The following SCAMP1 variants were observed in gnomAD, a reference collection of about 807,000 sequenced individuals.
SCAMP1 encodes the protein secretory carrier membrane protein 1.
Under a neutral mutation model 41.8 loss-of-function variants are expected in SCAMP1, and 15 were observed. The ratio of observed to expected loss-of-function variants is 0.36; its 90% CI spans 0.24 to 0.55. SCAMP1 has a LOEUF of 0.55. SCAMP1 is among the 20% of genes least tolerant of loss of function. The pLI is 0.86. For missense variants in SCAMP1, 341 were observed against 412.6 expected (o/e 0.83, Z 1.50); for synonymous variants, 135 against 136.8 (o/e 0.99, Z 0.09).
At chr5:78,445,053 C>T (rs1191468321) in intron 6 of SCAMP1, among the ~76,000 whole-genome samples, 1 of 152,162 alleles carries the variant, frequency 6.6e-6, no homozygotes, top group Non-Finnish European at 1.5e-5. Flanking sequence ...CTTTAGTTAA[C>T]TTGTGTCCCC....
chr5:78,473,721 T>A (rs1197979667), intron 8 of SCAMP1, among the ~76,000 whole-genome samples: 2 of 152,148 alleles, frequency 1.3e-5, no homozygotes, highest in Non-Finnish European at 2.9e-5. Context: ...AGTGAGAACA[T>A]GTGATATTTG....
In SCAMP1 at chr5:78,480,665, A is replaced by G. The variant is rs1381586164; in HGVS notation, c.*4997A>G. 2.0e-5 allele frequency among the ~76,000 whole-genome samples: 3 copies of G among 152,228 alleles called. No individual in the cohort carries two copies. The highest frequency in any genetic ancestry group is 6.5e-5 in the Admixed American group (1 of 15,286). ...TTTTTTTCTAGTATAAAAGCAATAC[A>G]TAATGTGTTGTAGAACAATTAAAAA... On this transcript the variant is annotated 3_prime_UTR_variant, in exon 9 of 9. Coordinates refer to ENST00000621999, the MANE Select transcript of SCAMP1 (RefSeq NM_004866.6).
At chr5:78,362,674 CT>C (rs913638762) in intron 1 of SCAMP1, among the ~76,000 whole-genome samples, 3 of 152,128 alleles carry the variant, frequency 2.0e-5, no homozygotes, top group African/African-American at 7.2e-5. Flanking sequence ...TTTTTGGTGA[CT>C]GTTATAGCAC....
At chr5:78,379,975 A>G (rs1474122205) in intron 1 of SCAMP1, among the ~76,000 whole-genome samples, 1 of 152,194 alleles carries the variant, frequency 6.6e-6, no homozygotes, top group Non-Finnish European at 1.5e-5. Context: ...TTCGAAGTCT[A>G]TCATTTTTAT....
intron 6 of SCAMP1, among the ~76,000 whole-genome samples, chr5:78,445,150 T>G (rs1260460312): frequency 6.6e-6 from 1 of 152,246 alleles, no homozygotes; most frequent in Non-Finnish European, 1.5e-5. Context: ...GGTATTGATT[T>G]GGCATGTGAA....
chr5:78,415,602 A>G lies in SCAMP1; in HGVS notation c.218A>G (p.Tyr73Cys). 1 of 1,598,126 alleles carries G rather than the reference A, an allele frequency of 6.3e-7. No individual in the cohort carries two copies. Among genetic ancestry groups the G allele is most frequent in the Non-Finnish European group, 8.5e-7 (1 of 1,170,396 alleles). Residue 73 changes from tyrosine to cysteine, a missense_variant, in exon 3 of 9, where the codon TAT becomes TGT. Tyr to Cys is a radical substitution (Grantham distance 194). Transcript: ENST00000621999. ...IMKPTEEHPA[Y>C]TQIAKEHALA... ...AAACCAACAGAGGAACATCCAGCTT[A>G]TACACAGATTGCAAAGGTTAGTTCA...
chr5:78,408,097 G>T (rs1490328317), intron 2 of SCAMP1, among the ~76,000 whole-genome samples: 1 of 152,120 alleles, frequency 6.6e-6, no homozygotes, highest in Non-Finnish European at 1.5e-5. Context: ...TTCTCATGCT[G>T]CTAATAAAGA....
intron 8 of SCAMP1, among the ~76,000 whole-genome samples, chr5:78,463,251 C>A (rs535819178): frequency 6.6e-6 from 1 of 152,346 alleles, no homozygotes; most frequent in East Asian, 1.9e-4. Flanking sequence ...ACAGATGGCT[C>A]CTCTGCTAAG....
intron 8 of SCAMP1, 36 bp downstream of exon 8, chr5:78,459,398 A>T: frequency 9.8e-7 from 1 of 1,016,660 alleles, no homozygotes; most frequent in Non-Finnish European, 1.5e-6. Flanking sequence ...TTTATAGTGA[A>T]CGTGATGTAA....
intron 8 of SCAMP1, among the ~76,000 whole-genome samples, chr5:78,473,942 C>T (rs905646154): frequency 1.3e-5 from 2 of 151,652 alleles, no homozygotes; most frequent in Non-Finnish European, 2.9e-5. Flanking sequence ...CTGAGAAGTC[C>T]AAGATAAGAA....
rs149847199 is a variant in SCAMP1, at chr5:78,450,506, A to C, written c.734+472A>C. On this transcript the variant is annotated intron_variant, in intron 7 of 8. Transcript: ENST00000621999. ...ATAACTGCACACACGTTATATACAT[A>C]TATCTTTAAACAATCGAATCATTCT... 5.5e-3 allele frequency among the ~76,000 whole-genome samples: 841 copies of C among 152,318 alleles called. 4 individuals are homozygous for C. The highest frequency in any genetic ancestry group is 0.019 in the African/African-American group (795 of 41,562).
At chr5:78,464,777 C>G (rs1176718590) in intron 8 of SCAMP1, among the ~76,000 whole-genome samples, 1 of 152,096 alleles carries the variant, frequency 6.6e-6, no homozygotes, top group Non-Finnish European at 1.5e-5. Context: ...TTTGCTCAGC[C>G]ATACTCTGGG....
chr5:78,458,621 C>A (rs889984062), intron 7 of SCAMP1, among the ~76,000 whole-genome samples: 1 of 152,150 alleles, frequency 6.6e-6, no homozygotes, highest in Non-Finnish European at 1.5e-5. Flanking sequence ...TGCAGTGGCT[C>A]ACGCTATAAT....
At chr5:78,440,548 C>T (rs1752893983) in intron 6 of SCAMP1, among the ~76,000 whole-genome samples, 2 of 152,202 alleles carry the variant, frequency 1.3e-5, no homozygotes, top group Admixed American at 1.3e-4. Context: ...GCTAATGTTG[C>T]TGCCTGATCC....
chr5:78,431,316 T>C (rs1752616221), intron 6 of SCAMP1, among the ~76,000 whole-genome samples: 1 of 151,508 alleles, frequency 6.6e-6, no homozygotes, highest in Non-Finnish European at 1.5e-5. Context: ...ATGTTCAAAA[T>C]GCTTTTGCAG....
chr5:78,448,854 G>T (rs1251169269), intron 6 of SCAMP1, among the ~76,000 whole-genome samples: 1 of 152,110 alleles, frequency 6.6e-6, no homozygotes, highest in African/African-American at 2.4e-5. Flanking sequence ...TGCAAAATTA[G>T]CTGGGCATGG....
At chr5:78,382,811 G>GTT (rs1554041426) in intron 1 of SCAMP1, among the ~76,000 whole-genome samples, 32 of 69,208 alleles carry the variant, frequency 4.6e-4, no homozygotes, top group African/African-American at 1.2e-3. Context: ...GTGTGTGTGT[G>GTT]TGTGTGTGCG....
intron 6 of SCAMP1, among the ~76,000 whole-genome samples, chr5:78,443,387 T>TG (rs1365029088): frequency 6.6e-6 from 1 of 152,138 alleles, no homozygotes; most frequent in Non-Finnish European, 1.5e-5. Context: ...AAGGTTTGAA[T>TG]GGGCAATACA....
intron 8 of SCAMP1, among the ~76,000 whole-genome samples, chr5:78,471,537 G>C (rs927825629): frequency 1.3e-5 from 2 of 152,074 alleles, no homozygotes; most frequent in Admixed American, 6.6e-5. Flanking sequence ...GCATGACAGG[G>C]ATCTTAATAA....
Sources: allele counts gnomAD v4.1 joint callset (sites outside exome capture counted in the v4.1 genomes callset), GRCh38; gene constraint gnomAD v4.1.1; transcripts MANE v1.5; gene names NCBI Gene and HGNC (gene_info 2026-07-23, HGNC 2026-07-21).